HORMAD2: variants seen among roughly 807,000 people sequenced by gnomAD.
HORMAD2 encodes the protein HORMA domain containing 2, also known as HORMA domain-containing protein 2.
Under a neutral mutation model 38.8 loss-of-function variants are expected in HORMAD2, and 45 were observed. The observed-to-expected ratio is 1.16, with a 90% confidence interval of 0.91 to 1.49. The LOEUF (loss-of-function observed/expected upper bound fraction) is 1.49, where lower values mean the gene tolerates loss of function less well. Ranked by LOEUF, HORMAD2 falls within the 40% of genes most tolerant of loss-of-function variation. HORMAD2 has a pLI of 0.00. For missense variants in HORMAD2, 338 were observed against 367.0 expected, an observed-to-expected ratio of 0.92 and a Z score of 0.65; for synonymous variants, 126 against 122.8, an observed-to-expected ratio of 1.03 and a Z score of -0.17.
chr22:30,085,829 CATGTT>C (rs1417321892), intron 1 of HORMAD2, among the ~76,000 whole-genome samples: 1 of 152,206 alleles, frequency 6.6e-6, no homozygotes, highest in Non-Finnish European at 1.5e-5. Context: ...ATTTTGCTCT[CATGTT>C]AGCTCACAGT....
rs749436345 is a variant in HORMAD2 at position 30,089,355 on chromosome 22, C to CTT, written c.-37-4547_-37-4546dup. Reference sequence around the variant, plus strand: ...GAAAAGGGAAAATTTGCTGCTGCTTCTTTTTTTTTTTTTTTGAGATGGAGT... The same window carrying CTT: ...GAAAAGGGAAAATTTGCTGCTGCTTCTTTTTTTTTTTTTTTTTGAGATGGAGT... On this transcript the variant is annotated intron_variant, in intron 1 of 10. Transcript: ENST00000336726. Among the ~76,000 whole-genome samples the CTT allele has an allele frequency of 8.8e-4, 124 of 140,246 alleles. 1 individual carries two copies. The highest frequency in any genetic ancestry group is 2.1e-3 in the African/African-American group (83 of 39,042). 92.0% of individuals were successfully genotyped at this position (140,246 alleles called of 152,430 possible). A position where few individuals can be genotyped will look rare whatever the true frequency, so the allele number is the denominator to read the frequency against.
intron 1 of HORMAD2, among the ~76,000 whole-genome samples, chr22:30,092,915 G>A (rs112820591): frequency 0.01 from 1,557 of 152,216 alleles, 29 homozygotes; most frequent in African/African-American, 0.035. Context: ...TTAAAGCCAG[G>A]TAATGTGATG....
the HORMAD2 span, among the ~76,000 whole-genome samples, chr22:30,183,468 C>T: frequency 2.6e-5 from 4 of 152,164 alleles, no homozygotes; most frequent in Non-Finnish European, 5.9e-5. Flanking sequence ...GAGTTAATCA[C>T]AATACCAGTC....
In HORMAD2 at chr22:30,112,479, T is replaced by G. The variant is rs1207205268; in HGVS notation, c.316-17T>G. The G allele has an allele frequency of 1.7e-5, 23 of 1,365,134 alleles. No individual in the cohort carries two copies. The highest frequency in any genetic ancestry group is 2.1e-5 in the Non-Finnish European group (21 of 1,005,864). 84.6% of individuals were successfully genotyped at this position (1,365,134 alleles called of 1,614,324 possible). ...TAAATTCCAGAAATTAAATGATGTT[T>G]ATTTTCCCTTATACAGCTTTACACA... On this transcript the variant is annotated splice_polypyrimidine_tract_variant and intron_variant, in intron 6 of 10. Coordinates refer to ENST00000336726, the MANE Select transcript of HORMAD2 (RefSeq NM_152510.4).
At chr22:30,168,086 T>G (rs376537905) in intron 10 of HORMAD2, among the ~76,000 whole-genome samples, 1 of 152,216 alleles carries the variant, frequency 6.6e-6, no homozygotes, top group East Asian at 1.9e-4. Flanking sequence ...TAAAGCTATC[T>G]GGATCCTAAG....
chr22:30,156,271 C>T (rs962174473), intron 10 of HORMAD2, among the ~76,000 whole-genome samples: 3 of 152,176 alleles, frequency 2.0e-5, no homozygotes, highest in African/African-American at 7.2e-5. Flanking sequence ...ATGCTTCCTA[C>T]CTAGTGTAGC....
At chr22:30,183,500 A>G in the HORMAD2 span, among the ~76,000 whole-genome samples, 1 of 152,168 alleles carries the variant, frequency 6.6e-6, no homozygotes, top group Non-Finnish European at 1.5e-5. Context: ...CACTTACTCC[A>G]GGCCAGACAC....
intron 1 of HORMAD2, among the ~76,000 whole-genome samples, chr22:30,092,043 ATTTTTTTT>A (rs34639591): frequency 7.4e-6 from 1 of 135,076 alleles, no homozygotes; most frequent in Non-Finnish European, 1.6e-5. Context: ...CACCTGGCTA[ATTTTTTTT>A]TTTTTTTTTT....
intron 1 of HORMAD2, among the ~76,000 whole-genome samples, chr22:30,093,120 A>G (rs2068720944): frequency 6.6e-6 from 1 of 152,204 alleles, no homozygotes; most frequent in Non-Finnish European, 1.5e-5. Flanking sequence ...CTTCTAATCA[A>G]TGAATACGGG....
chr22:30,150,127 AT>A (rs1174602088), intron 10 of HORMAD2, among the ~76,000 whole-genome samples: 1 of 152,136 alleles, frequency 6.6e-6, no homozygotes, highest in Non-Finnish European at 1.5e-5. Context: ...ATTATGTACC[AT>A]CAGATTTCTC....
chr22:30,081,663 C>A (rs2068478245), intron 1 of HORMAD2, among the ~76,000 whole-genome samples: 1 of 152,044 alleles, frequency 6.6e-6, no homozygotes, highest in Admixed American at 6.6e-5. Context: ...GCAACCTCCA[C>A]CTCTCGGGTT....
intron 1 of HORMAD2, among the ~76,000 whole-genome samples, chr22:30,088,620 G>T (rs562002538): frequency 6.7e-6 from 1 of 148,192 alleles, no homozygotes; most frequent in Non-Finnish European, 1.5e-5. Context: ...GTTTTATTAA[G>T]TAAGTTTTAA....
chr22:30,111,487 A>G (rs772113482), intron 5 of HORMAD2, among the ~76,000 whole-genome samples: 1 of 152,006 alleles, frequency 6.6e-6, no homozygotes, highest in Admixed American at 6.6e-5. Flanking sequence ...CTCTGTCTCA[A>G]AAAAAAAGAA....
chr22:30,128,557 A>C (rs1239158194), intron 10 of HORMAD2, among the ~76,000 whole-genome samples: 1 of 152,224 alleles, frequency 6.6e-6, no homozygotes, highest in African/African-American at 2.4e-5. Flanking sequence ...CACACATGAA[A>C]GCATTTAAAA....
intron 10 of HORMAD2, among the ~76,000 whole-genome samples, chr22:30,153,357 AT>A (rs1210695888): frequency 6.6e-6 from 1 of 152,052 alleles, no homozygotes; most frequent in Non-Finnish European, 1.5e-5. Flanking sequence ...AATCAAAAAT[AT>A]CTCATGAGTC....
the HORMAD2 span, among the ~76,000 whole-genome samples, chr22:30,206,218 G>A: frequency 6.6e-6 from 1 of 152,084 alleles, no homozygotes; most frequent in Non-Finnish European, 1.5e-5. Flanking sequence ...CCAGGCTGGA[G>A]TGCAATGGCA....
At chr22:30,173,182 G>A (rs1233155911) in intron 10 of HORMAD2, among the ~76,000 whole-genome samples, 1 of 152,210 alleles carries the variant, frequency 6.6e-6, no homozygotes, top group Non-Finnish European at 1.5e-5. Context: ...TGGAGCTGCA[G>A]AAATAGGCCA....
At chr22:30,087,091 C>T (rs1234464405) in intron 1 of HORMAD2, among the ~76,000 whole-genome samples, 1 of 152,088 alleles carries the variant, frequency 6.6e-6, no homozygotes, top group African/African-American at 2.4e-5. Context: ...GAACTCCTGA[C>T]CTCAGGTGAT....
intron 1 of HORMAD2, among the ~76,000 whole-genome samples, chr22:30,083,011 A>C (rs2068511734): frequency 6.6e-6 from 1 of 152,142 alleles, no homozygotes; most frequent in African/African-American, 2.4e-5. Context: ...GCTCACACTT[A>C]TAATCCCAGC....
Sources: allele counts gnomAD v4.1 joint callset (sites outside exome capture counted in the v4.1 genomes callset), GRCh38; gene constraint gnomAD v4.1.1; transcripts MANE v1.5; gene names NCBI Gene and HGNC (gene_info 2026-07-23, HGNC 2026-07-21).